The following FBXO36 variants were observed in gnomAD, a reference collection of about 807,000 sequenced individuals.
FBXO36 encodes F-box only protein 36.
In FBXO36, 18 loss-of-function variants were observed where a neutral mutation model predicts 17.0. The ratio of observed to expected loss-of-function variants is 1.06; its 90% CI spans 0.73 to 1.57. The LOEUF (loss-of-function observed/expected upper bound fraction) is 1.57. Ranked by LOEUF, FBXO36 falls within the 40% of genes most tolerant of loss-of-function variation. The pLI, the probability that FBXO36 is intolerant of heterozygous loss-of-function variation, is 0.00. For missense variants in FBXO36, 229 were observed against 221.9 expected (o/e 1.03, Z -0.20); for synonymous variants, 83 against 85.3 (o/e 0.97, Z 0.15).
chr2:229,969,433 A>G (rs545681166), intron 1 of FBXO36, among the ~76,000 whole-genome samples: 17 of 152,122 alleles, frequency 1.1e-4, no homozygotes, highest in Admixed American at 2.6e-4. Flanking sequence ...TCACGCCTGT[A>G]ATCCCAGCAC....
chr2:229,938,299 G>A (rs1213424785), intron 1 of FBXO36, among the ~76,000 whole-genome samples: 5 of 116,530 alleles, frequency 4.3e-5, no homozygotes, highest in Admixed American at 3.6e-4. Context: ...TCGGCTCACC[G>A]CACCCTCCGC....
rs759036863 is a variant in FBXO36, at chr2:229,922,553, G to A, written c.40G>A (p.Gly14Arg). 2.5e-6 allele frequency: 4 copies of A among 1,614,076 alleles called. No homozygotes were observed. In the South Asian group the frequency reaches 3.3e-5, roughly 13 times the overall value. ...WLPETLFETVGQGPPPSKDYY... is the reference protein window; with the variant it reads ...WLPETLFETVRQGPPPSKDYY... ...GCCGGAGACTCTCTTTGAAACTGTA[G>A]GACAAGGCCCGCCGCCTAGCAAAGA... The change falls in exon 1 of 4, where the codon GGA becomes AGA. Residue 14 changes from glycine to arginine, a missense_variant. Gly to Arg is a moderately radical substitution (Grantham distance 125, BLOSUM62 -2). Transcript: ENST00000283946.
intron 2 of FBXO36, among the ~76,000 whole-genome samples, chr2:229,984,304 T>C (rs1440057014): frequency 1.3e-5 from 2 of 151,638 alleles, no homozygotes; most frequent in East Asian, 3.9e-4. Context: ...GCCGAGATCA[T>C]GCCACTGCAC....
intron 2 of FBXO36, 69 bp from the exon 3 acceptor site, chr2:229,996,682 T>C (rs2077329114): frequency 4.7e-6 from 7 of 1,483,438 alleles, no homozygotes; most frequent in Non-Finnish European, 4.5e-6. Context: ...AAGCTTGTAT[T>C]TCACTGATTG....
intron 1 of FBXO36, among the ~76,000 whole-genome samples, chr2:229,940,344 G>A (rs997095915): frequency 7.2e-5 from 11 of 152,146 alleles, no homozygotes; most frequent in African/African-American, 2.7e-4. Context: ...GCGATTGATG[G>A]ATACGTAAAG....
intron 1 of FBXO36, among the ~76,000 whole-genome samples, chr2:229,971,495 A>T (rs1381760575): frequency 1.3e-5 from 2 of 152,098 alleles, no homozygotes; most frequent in Non-Finnish European, 2.9e-5. Context: ...GGGGAAAAAA[A>T]AATCTACCCA....
At chr2:230,005,124 G>T (rs1174239718) in intron 3 of FBXO36, among the ~76,000 whole-genome samples, 1 of 152,014 alleles carries the variant, frequency 6.6e-6, no homozygotes, top group South Asian at 2.1e-4. Context: ...CCTGAGACAG[G>T]GTCATCTTGC....
intron 3 of FBXO36, among the ~76,000 whole-genome samples, chr2:230,007,723 A>C (rs951687822): frequency 6.6e-6 from 1 of 152,074 alleles, no homozygotes; most frequent in Non-Finnish European, 1.5e-5. Context: ...CAGCCTCCCA[A>C]GTAGCTGGGA....
intron 1 of FBXO36, among the ~76,000 whole-genome samples, chr2:229,925,118 A>C: frequency 6.6e-6 from 1 of 151,104 alleles, no homozygotes; most frequent in South Asian, 2.1e-4. Flanking sequence ...TTATTTATTT[A>C]TTTATTTTTT....
intron 1 of FBXO36, among the ~76,000 whole-genome samples, chr2:229,934,939 T>C (rs1251231125): frequency 1.3e-5 from 2 of 152,226 alleles, no homozygotes; most frequent in African/African-American, 4.8e-5. Context: ...GCTCAGCCTT[T>C]CCTTTGGTTT....
intron 1 of FBXO36, among the ~76,000 whole-genome samples, chr2:229,948,193 C>T (rs1471878656): frequency 6.6e-6 from 1 of 151,852 alleles, no homozygotes; most frequent in Non-Finnish European, 1.5e-5. Context: ...GGCAGAGGAA[C>T]ACTTGTGTCC....
chr2:230,009,740 C>T (rs1390383844), intron 3 of FBXO36, among the ~76,000 whole-genome samples: 4 of 151,348 alleles, frequency 2.6e-5, no homozygotes, highest in African/African-American at 4.9e-5. Flanking sequence ...GTCAGGACTT[C>T]GAGACCAGCC....
At chr2:229,951,881 A>T (rs1316524189) in intron 1 of FBXO36, among the ~76,000 whole-genome samples, 1 of 152,230 alleles carries the variant, frequency 6.6e-6, no homozygotes, top group Non-Finnish European at 1.5e-5. Context: ...GCTTAAACAC[A>T]AAGGACCCTG....
chr2:229,946,140 G>A (rs2077026156), intron 1 of FBXO36, among the ~76,000 whole-genome samples: 1 of 152,138 alleles, frequency 6.6e-6, no homozygotes, highest in South Asian at 2.1e-4. Context: ...GCGGAAGCAG[G>A]TACCTGAGAC....
intron 1 of FBXO36, among the ~76,000 whole-genome samples, chr2:229,955,733 T>G (rs998581727): frequency 1.2e-4 from 19 of 152,228 alleles, no homozygotes; most frequent in Non-Finnish European, 1.9e-4. Context: ...AAAACCCATC[T>G]AATTCCAAAC....
rs146451867 is a variant in FBXO36 at position 230,010,737 on chromosome 2, G to A, written c.420G>A (p.Ser140=). 490 of 1,613,608 alleles carry A rather than the reference G, an allele frequency of 3.0e-4. 6 individuals carry two copies. In the East Asian group the frequency reaches 0.01, roughly 34 times the overall value. The change falls in exon 4 of 4, where the codon TCG becomes TCA. Residue 140 remains serine (S), a synonymous_variant. Transcript: ENST00000283946. ...AACTGTGGGAACAGATAGTCCAGTC[G>A]ACCTGCGACACCATCACTCCTGACG... ...SDKLWEQIVQ[S]TCDTITPDVR... is the part of the protein sequence containing the mutation.
chr2:229,976,358 C>T lies in FBXO36; in HGVS notation c.205+9C>T, dbSNP rs499449. On this transcript the variant is annotated intron_variant, in intron 2 of 3. Transcript: ENST00000283946. ...GAATTCACATCTTCAAGGTAAGGAACGGAACATATTATATACCCCTGTTAA... is the reference window on the plus strand; with the variant it reads ...GAATTCACATCTTCAAGGTAAGGAATGGAACATATTATATACCCCTGTTAA... 371,593 of 1,581,838 alleles carry T rather than the reference C, an allele frequency of 0.23. 45,848 individuals carry two copies. The highest frequency in any genetic ancestry group is 0.46 in the East Asian group (20,738 of 44,662).
chr2:229,973,810 G>T (rs1244075397), intron 1 of FBXO36, among the ~76,000 whole-genome samples: 1 of 151,958 alleles, frequency 6.6e-6, no homozygotes, highest in African/African-American at 2.4e-5. Flanking sequence ...ACATTGGGAG[G>T]CTGAGGTGGG....
chr2:229,986,665 G>A (rs2077269932), intron 2 of FBXO36, among the ~76,000 whole-genome samples: 1 of 151,224 alleles, frequency 6.6e-6, no homozygotes, highest in African/African-American at 2.4e-5. Flanking sequence ...CTCCCGAGTA[G>A]CTGGGACTAC....
Sources: allele counts gnomAD v4.1 joint callset (sites outside exome capture counted in the v4.1 genomes callset), GRCh38; gene constraint gnomAD v4.1.1; transcripts MANE v1.5; gene names NCBI Gene and HGNC (gene_info 2026-07-23, HGNC 2026-07-21).